Variants in UPP2 observed in about 807,000 individuals in gnomAD.
The protein encoded by UPP2 is uridine phosphorylase 2, also known as UPase 2.
In UPP2, 23 loss-of-function variants were observed where a neutral mutation model predicts 26.7. That is an observed-to-expected ratio of 0.86 (90% confidence interval 0.62 to 1.22). The LOEUF is 1.22. Among genes scored for constraint, UPP2 ranks in the 50% most tolerant of loss-of-function variants. UPP2 has a pLI of 0.00. For synonymous variants in UPP2, 127 were observed against 141.3 expected, an observed-to-expected ratio of 0.90 and a Z score of 0.72; for missense variants, 387 against 396.7, an observed-to-expected ratio of 0.98 and a Z score of 0.21.
At chr2:158,108,881 C>T (rs895541696) in intron 2 of UPP2, among the ~76,000 whole-genome samples, 10 of 139,370 alleles carry the variant, frequency 7.2e-5, no homozygotes, top group Non-Finnish European at 1.5e-4. Context: ...GAATAGGAGG[C>T]AAAAGCGTGT....
chr2:158,004,327 A>T (rs1272504267), intron 2 of UPP2, among the ~76,000 whole-genome samples: 3 of 152,114 alleles, frequency 2.0e-5, no homozygotes, highest in African/African-American at 7.2e-5. Context: ...TCTTGTTGCT[A>T]ATGGAAACCT....
chr2:158,087,655 AG>A (rs1682838327), intron 3 of UPP2, among the ~76,000 whole-genome samples: 1 of 152,090 alleles, frequency 6.6e-6, no homozygotes, highest in African/African-American at 2.4e-5. Context: ...CAAGATTTAG[AG>A]CTCCTTTTAG....
intron 2 of UPP2, among the ~76,000 whole-genome samples, chr2:158,010,778 T>A (rs1683564765): frequency 6.6e-6 from 1 of 150,926 alleles, no homozygotes; most frequent in African/African-American, 2.5e-5. Flanking sequence ...TTTTTTTTTT[T>A]TTTTTGAGAC....
intron 3 of UPP2, among the ~76,000 whole-genome samples, chr2:158,081,560 G>C (rs1358859343): frequency 3.3e-5 from 5 of 152,140 alleles, no homozygotes; most frequent in Admixed American, 6.6e-5. Flanking sequence ...AGATTTGGAA[G>C]CAATCTAAGT....
chr2:158,068,941 C>T (rs2105185339), intron 3 of UPP2, among the ~76,000 whole-genome samples: 1 of 148,160 alleles, frequency 6.7e-6, no homozygotes, highest in African/African-American at 2.5e-5. Context: ...CCTCAGCCTC[C>T]CCAGTAGCTG....
chr2:158,067,724 T>A (rs1682461026), intron 3 of UPP2, among the ~76,000 whole-genome samples: 1 of 152,148 alleles, frequency 6.6e-6, no homozygotes, highest in African/African-American at 2.4e-5. Context: ...TTACCTATAA[T>A]TTCAGTAGTT....
At chr2:158,087,173 G>A (rs1682830693) in intron 3 of UPP2, among the ~76,000 whole-genome samples, 1 of 152,096 alleles carries the variant, frequency 6.6e-6, no homozygotes. Context: ...GCACTCCAAT[G>A]TTAGGTGCAT....
intron 3 of UPP2, among the ~76,000 whole-genome samples, chr2:158,089,068 T>G (rs1682863766): frequency 6.6e-6 from 1 of 152,108 alleles, no homozygotes; most frequent in Non-Finnish European, 1.5e-5. Flanking sequence ...TCCTTTGTCT[T>G]TGGCTACCAG....
chr2:158,092,838 T>C (rs1202643359), intron 3 of UPP2, among the ~76,000 whole-genome samples: 1 of 152,224 alleles, frequency 6.6e-6, no homozygotes, highest in Non-Finnish European at 1.5e-5. Context: ...GTATTAAGTA[T>C]GCTTGTTGAA....
intron 3 of UPP2, among the ~76,000 whole-genome samples, chr2:158,063,591 ATTTTC>A (rs1285425362): frequency 1.2e-5 from 1 of 86,120 alleles, no homozygotes; most frequent in South Asian, 3.1e-4. Flanking sequence ...TTAGGCCACC[ATTTTC>A]TTTTCTTTTT....
intron 3 of UPP2, among the ~76,000 whole-genome samples, chr2:158,057,010 T>C (rs899647678): frequency 6.6e-6 from 1 of 152,188 alleles, no homozygotes; most frequent in Admixed American, 6.5e-5. Context: ...AGGTGTTTTG[T>C]AAGATGTCCC....
chr2:158,094,836 C>G (rs1340231651), intron 3 of UPP2, among the ~76,000 whole-genome samples: 13 of 152,162 alleles, frequency 8.5e-5, no homozygotes, highest in Non-Finnish European at 1.5e-4. Context: ...AAAATCACCC[C>G]CTCTCCCTTC....
chr2:158,084,851 G>A (rs28847726), intron 3 of UPP2, among the ~76,000 whole-genome samples: 3,445 of 152,088 alleles, frequency 0.023, 136 homozygotes, highest in African/African-American at 0.075. Flanking sequence ...CCATTGGTCT[G>A]TATGCCTATT....
At chr2:158,079,904 C>A (rs1425036999) in intron 3 of UPP2, among the ~76,000 whole-genome samples, 2 of 152,028 alleles carry the variant, frequency 1.3e-5, no homozygotes, top group Non-Finnish European at 2.9e-5. Context: ...TCCTGTCTGT[C>A]AGGCACTATT....
chr2:158,089,739 A>C (rs1417446745), intron 3 of UPP2, among the ~76,000 whole-genome samples: 1 of 152,196 alleles, frequency 6.6e-6, no homozygotes, highest in Non-Finnish European at 1.5e-5. Context: ...GCTCCAGGTA[A>C]GGTCAAATCC....
chr2:158,018,566 T>G (rs1490807178), intron 3 of UPP2, among the ~76,000 whole-genome samples: 1 of 152,144 alleles, frequency 6.6e-6, no homozygotes, highest in Admixed American at 6.5e-5. Context: ...GGAAGGCAGG[T>G]GCATGGCTGT....
intron 2 of UPP2, among the ~76,000 whole-genome samples, chr2:158,015,267 C>T (rs1041791722): frequency 1.2e-4 from 18 of 152,186 alleles, no homozygotes; most frequent in Non-Finnish European, 1.5e-5. Flanking sequence ...TTGGCAGCCA[C>T]CACTCTACTT....
At chr2:158,099,684 T>C (rs1018666988), upstream of UPP2, among the ~76,000 whole-genome samples, 2 of 152,208 alleles carry the variant, frequency 1.3e-5, no homozygotes, top group African/African-American at 4.8e-5. Flanking sequence ...GCCTAAATGC[T>C]ATCCAGTTGT....
At chr2:158,057,438 A>G (rs960912581) in intron 3 of UPP2, among the ~76,000 whole-genome samples, 7 of 152,170 alleles carry the variant, frequency 4.6e-5, no homozygotes, top group African/African-American at 1.7e-4. Flanking sequence ...TGGATATTTT[A>G]TACATTGGAT....
Sources: allele counts gnomAD v4.1 joint callset (sites outside exome capture counted in the v4.1 genomes callset), GRCh38; gene constraint gnomAD v4.1.1; transcripts MANE v1.5; gene names NCBI Gene and HGNC (gene_info 2026-07-23, HGNC 2026-07-21).